Variants in SLC6A5 observed in about 807,000 individuals in gnomAD.
SLC6A5 encodes solute carrier family 6 member 5, also known as sodium- and chloride-dependent glycine transporter 2.
Under a neutral mutation model 90.5 loss-of-function variants are expected in SLC6A5, and 58 were observed. That is an observed-to-expected ratio of 0.64 (90% CI 0.52 to 0.80). The LOEUF is 0.80. Among genes scored for constraint, SLC6A5 ranks in the 30% least tolerant of loss-of-function variants. SLC6A5 has a pLI of 0.00. For synonymous variants in SLC6A5, 427 were observed against 401.4 expected, an observed-to-expected ratio of 1.06 and a Z score of -0.76; for missense variants, 1,015 against 1,017.6, an observed-to-expected ratio of 1.00 and a Z score of 0.03.
At chr11:20,624,974 G>A (rs1852964818) in intron 7 of SLC6A5, among the ~76,000 whole-genome samples, 1 of 152,198 alleles carries the variant, frequency 6.6e-6, no homozygotes, top group African/African-American at 2.4e-5. Context: ...CTTTGCAGGT[G>A]TGGACACTGA....
intron 4 of SLC6A5, among the ~76,000 whole-genome samples, 158 bp downstream of exon 4, chr11:20,607,296 T>G (rs1184040316): frequency 6.6e-6 from 1 of 152,192 alleles, no homozygotes; most frequent in Non-Finnish European, 1.5e-5. Context: ...CAAGATCACC[T>G]CTGGCATTGT....
intron 14 of SLC6A5, among the ~76,000 whole-genome samples, chr11:20,651,005 C>A (rs1853520540): frequency 2.6e-5 from 4 of 151,880 alleles, no homozygotes; most frequent in Admixed American, 2.6e-4. Context: ...GGGAGCTGTG[C>A]ATCCCTTCTG....
chr11:20,636,580 A>G (rs561842855), intron 11 of SLC6A5, among the ~76,000 whole-genome samples, 161 bp downstream of exon 11: 1 of 151,288 alleles, frequency 6.6e-6, no homozygotes, highest in East Asian at 2.0e-4. Flanking sequence ...AGGGCTCAGG[A>G]TCACCTTGTA....
At chr11:20,616,596 T>C (rs1200557384) in intron 6 of SLC6A5, among the ~76,000 whole-genome samples, 1 of 152,180 alleles carries the variant, frequency 6.6e-6, no homozygotes, top group Non-Finnish European at 1.5e-5. Context: ...GCATGGGACA[T>C]GGGGAAGGTC....
Position 20,604,363 on chromosome 11 carries a change from G to T in SLC6A5, c.618G>T (p.Gly206=), listed in dbSNP as rs761711107. 5 of 1,614,138 alleles carry T rather than the reference G, an allele frequency of 3.1e-6. No homozygotes were observed. The highest frequency in any genetic ancestry group is 1.1e-5 in the South Asian group (1 of 91,082). ...TGGACTTCATCCTGTCCATGGTGGG[G>T]TACGCAGTGGGGCTGGGCAATGTCT... ...SKLDFILSMV[G]YAVGLGNVWR... is the part of the protein sequence containing the mutation. The change falls in exon 3 of 16, where the codon GGG becomes GGT. Residue 206 remains glycine (G), a synonymous_variant. Coordinates refer to ENST00000525748, the MANE Select transcript of SLC6A5 (RefSeq NM_004211.5).
chr11:20,619,014 C>T (rs2133789954), intron 7 of SLC6A5, among the ~76,000 whole-genome samples: 2 of 151,298 alleles, frequency 1.3e-5, no homozygotes, highest in Non-Finnish European at 2.9e-5. Context: ...ACCAGTTATT[C>T]TGATCACATG....
Position 20,656,998 on chromosome 11 carries a change from G to C in SLC6A5, c.*2130G>C, listed in dbSNP as rs1853645025. 1 of 152,170 alleles carries C rather than the reference G, an allele frequency of 6.6e-6. No homozygotes were observed. The highest frequency in any genetic ancestry group is 2.4e-5 in the African/African-American group (1 of 41,418). 9.4% of individuals were successfully genotyped at this position (152,170 alleles called of 1,614,324 possible). A position where few individuals can be genotyped will look rare whatever the true frequency, so the allele number is the denominator to read the frequency against. On this transcript the variant is annotated 3_prime_UTR_variant, in exon 16 of 16. Coordinates refer to ENST00000525748, the MANE Select transcript of SLC6A5 (RefSeq NM_004211.5). ...GAGCCAGGAGGAATAACTTAGGCCT[G>C]GAAATTATCTGCAGGCTTTGCAATT...
At chr11:20,651,174 A>G (rs1435121603) in intron 14 of SLC6A5, among the ~76,000 whole-genome samples, 1 of 151,662 alleles carries the variant, frequency 6.6e-6, no homozygotes, top group Non-Finnish European at 1.5e-5. Context: ...AAAAGTAAAA[A>G]TACATAAACG....
intron 11 of SLC6A5, among the ~76,000 whole-genome samples, 169 bp from the exon 12 acceptor site, chr11:20,637,003 C>A (rs543393510): frequency 6.6e-6 from 1 of 152,254 alleles, no homozygotes; most frequent in South Asian, 2.1e-4. Context: ...TCTTGGCTGC[C>A]TGTGGGTTGG....
chr11:20,652,265 C>T lies in SLC6A5; in HGVS notation c.2071-24C>T, dbSNP rs200749816. Reference sequence around the variant, plus strand: ...AATAATTCACGCCACCACCCTAACACGTGTGTCACTTTTCTCTTTCCAGTT... The same window carrying T: ...AATAATTCACGCCACCACCCTAACATGTGTGTCACTTTTCTCTTTCCAGTT... On this transcript the variant is annotated intron_variant, in intron 14 of 15. Transcript: ENST00000525748. 2.3e-5 allele frequency: 37 copies of T among 1,612,872 alleles called. No individual in the cohort carries two copies. The East Asian group carries it at 4.9e-4, about 21-fold the overall frequency.
rs1399746016 is a variant in SLC6A5 at position 20,655,081 on chromosome 11, C to T, written c.*213C>T. The T allele has an allele frequency of 3.4e-6, 2 of 585,322 alleles. No individual in the cohort carries two copies. The highest frequency in any genetic ancestry group is 6.3e-6 in the Non-Finnish European group (2 of 318,894). 36.3% of individuals were successfully genotyped at this position (585,322 alleles called of 1,614,324 possible). On this transcript the variant is annotated 3_prime_UTR_variant, in exon 16 of 16. Coordinates refer to ENST00000525748, the MANE Select transcript of SLC6A5 (RefSeq NM_004211.5). ...CCACCTGAAGCGCTGTTTGCCTGTGCCCATGGTGACTGTTTCTGGTCAGGT... is the reference window on the plus strand; with the variant it reads ...CCACCTGAAGCGCTGTTTGCCTGTGTCCATGGTGACTGTTTCTGGTCAGGT...
intron 13 of SLC6A5, among the ~76,000 whole-genome samples, chr11:20,643,050 C>T (rs994144410): frequency 1.3e-5 from 2 of 152,204 alleles, no homozygotes; most frequent in Admixed American, 6.5e-5. Context: ...TTTACCATGA[C>T]CCCCTCCTCT....
At chr11:20,641,780 G>A (rs1418003141) in intron 13 of SLC6A5, among the ~76,000 whole-genome samples, 1 of 152,086 alleles carries the variant, frequency 6.6e-6, no homozygotes, top group East Asian at 1.9e-4. Context: ...GGAGAGGGTG[G>A]GATAATGTCC....
At chr11:20,632,574 G>A (rs752759410) in intron 10 of SLC6A5, among the ~76,000 whole-genome samples, 2 of 152,166 alleles carry the variant, frequency 1.3e-5, no homozygotes, top group Non-Finnish European at 2.9e-5. Context: ...GCACAGGGAC[G>A]GGTGGGCCTC....
intron 9 of SLC6A5, among the ~76,000 whole-genome samples, chr11:20,629,691 ATTG>A: frequency 6.6e-6 from 1 of 151,302 alleles, no homozygotes; most frequent in South Asian, 2.1e-4. Context: ...CATAAAATAA[ATTG>A]TTGTTAATAT....
At chr11:20,643,163 A>G (rs1488380766) in intron 13 of SLC6A5, among the ~76,000 whole-genome samples, 2 of 151,858 alleles carry the variant, frequency 1.3e-5, no homozygotes, top group Admixed American at 1.3e-4. Flanking sequence ...GGATGGTTTC[A>G]TGAAGGGGAA....
At position 20,617,911 on chromosome 11, in the gene SLC6A5, A is replaced by G. The variant is rs11025653; in HGVS notation, c.1260+27A>G. ...TAAGCACTTGGATTTATCTAAGAGAAAGCTGTGAGACACCCAGGGGCGGTT... is the reference window on the plus strand; with the variant it reads ...TAAGCACTTGGATTTATCTAAGAGAGAGCTGTGAGACACCCAGGGGCGGTT... On this transcript the variant is annotated intron_variant, in intron 7 of 15. Coordinates refer to ENST00000525748, the MANE Select transcript of SLC6A5 (RefSeq NM_004211.5). The G allele has an allele frequency of 0.27, 441,133 of 1,607,928 alleles. 65,793 individuals carry two copies. Among genetic ancestry groups the G allele is most frequent in the Non-Finnish European group, 0.3 (358,729 of 1,177,344 alleles).
chr11:20,645,231 C>A (rs1365141387), intron 13 of SLC6A5, among the ~76,000 whole-genome samples: 2 of 152,088 alleles, frequency 1.3e-5, no homozygotes, highest in East Asian at 3.9e-4. Context: ...CCATCCTTCC[C>A]CACTTCCAAG....
chr11:20,604,553 T>C, intron 3 of SLC6A5, 129 bp downstream of exon 3: 1 of 1,145,926 alleles, frequency 8.7e-7, no homozygotes, highest in Non-Finnish European at 1.2e-6. Flanking sequence ...GCTCCAGCCC[T>C]ACACCTCGTA....
Sources: allele counts gnomAD v4.1 joint callset (sites outside exome capture counted in the v4.1 genomes callset), GRCh38; gene constraint gnomAD v4.1.1; transcripts MANE v1.5; gene names NCBI Gene and HGNC (gene_info 2026-07-23, HGNC 2026-07-21).